The following LRP1B variants were observed in gnomAD, a reference collection of about 807,000 sequenced individuals.
LRP1B encodes low-density lipoprotein receptor-related protein 1B.
Under a neutral mutation model 556.6 loss-of-function variants are expected in LRP1B, and 217 were observed. The observed-to-expected ratio is 0.39, with a 90% CI of 0.35 to 0.44. The LOEUF is 0.44. Among genes scored for constraint, LRP1B ranks in the 20% least tolerant of loss-of-function variants. The pLI, the probability that LRP1B is intolerant of heterozygous loss-of-function variation, is 1.00. For synonymous variants in LRP1B, 2,047 were observed against 1,865.8 expected (o/e 1.10, Z -2.50); for missense variants, 5,053 against 5,620.8 (o/e 0.90, Z 3.23).
chr2:141,544,305 T>TTCGTCGTCG (rs1255112557), intron 2 of LRP1B, among the ~76,000 whole-genome samples: 1 of 6,536 alleles, frequency 1.5e-4, no homozygotes, highest in African/African-American at 7.5e-4. Flanking sequence ...ACTCTTCTTC[T>TTCGTCGTCG]TCTTCTTCTT....
chr2:142,084,650 C>T (rs552682375), intron 1 of LRP1B, among the ~76,000 whole-genome samples: 3 of 152,258 alleles, frequency 2.0e-5, no homozygotes, highest in South Asian at 4.1e-4. Context: ...TCCCCAAACC[C>T]TCTTATCCAA....
At chr2:141,615,790 T>C (rs1403366674) in intron 2 of LRP1B, among the ~76,000 whole-genome samples, 2 of 152,088 alleles carry the variant, frequency 1.3e-5, no homozygotes, top group African/African-American at 4.8e-5. Context: ...ACATATGAAA[T>C]TGGTTCTCAA....
chr2:140,763,262 G>A (rs1169978622), intron 35 of LRP1B, among the ~76,000 whole-genome samples: 2 of 151,944 alleles, frequency 1.3e-5, no homozygotes, highest in African/African-American at 4.8e-5. Flanking sequence ...TTAGAAAATA[G>A]GTTTCTCAGC....
At chr2:141,783,037 T>C (rs892549929) in intron 2 of LRP1B, among the ~76,000 whole-genome samples, 3 of 152,268 alleles carry the variant, frequency 2.0e-5, no homozygotes. Flanking sequence ...GCTTAGTTCA[T>C]GTCTTCATCC....
intron 27 of LRP1B, among the ~76,000 whole-genome samples, chr2:140,856,673 C>T (rs1350915530): frequency 2.0e-5 from 3 of 151,596 alleles, no homozygotes; most frequent in Non-Finnish European, 4.4e-5. Context: ...TGAATTTAGC[C>T]TGAGGGTTGT....
chr2:140,334,552 ACAT>A lies in LRP1B; in HGVS notation c.12121_12123del (p.Met4041del). The A allele has an allele frequency of 6.3e-7, 1 of 1,579,714 alleles. No homozygotes were observed. The highest frequency in any genetic ancestry group is 8.6e-7 in the Non-Finnish European group (1 of 1,162,916). ...GAATGATCCCCAACAACAGTCCAGT[ACAT>A]CATCCTGAAGAGAGCGGGTCAGAGA... is the stretch of plus-strand genomic sequence containing the variant. On this transcript the variant is annotated inframe_deletion, in exon 79 of 91. Coordinates refer to ENST00000389484, the MANE Select transcript of LRP1B (RefSeq NM_018557.3).
At chr2:141,092,098 G>T (rs1358639768) in intron 7 of LRP1B, among the ~76,000 whole-genome samples, 1 of 152,158 alleles carries the variant, frequency 6.6e-6, no homozygotes, top group Non-Finnish European at 1.5e-5. Context: ...GCTAACTCTT[G>T]TTTATATCAA....
At chr2:140,813,623 C>T in intron 32 of LRP1B, 34 bp downstream of exon 32, 1 of 1,605,808 alleles carries the variant, frequency 6.2e-7, no homozygotes, top group Non-Finnish European at 8.5e-7. Flanking sequence ...CCAATCAATA[C>T]AAAGCAACCA....
Position 140,514,632 on chromosome 2 carries a change from G to T in LRP1B, c.8269+21C>A, listed in dbSNP as rs572191482. 5 of 1,599,476 alleles carry T rather than the reference G, an allele frequency of 3.1e-6. No homozygotes were observed. The African/African-American group carries it at 5.4e-5, about 17-fold the overall frequency. On this transcript the variant is annotated intron_variant, in intron 51 of 90. Transcript: ENST00000389484. Reference sequence around the variant, plus strand: ...ATATAATGCTTAAAAACTGATTGAGGACAGAAGATACACAACTTACCACAA... The same window carrying T: ...ATATAATGCTTAAAAACTGATTGAGTACAGAAGATACACAACTTACCACAA...
At chr2:141,209,226 T>C (rs1282325906) in intron 6 of LRP1B, among the ~76,000 whole-genome samples, 1 of 152,140 alleles carries the variant, frequency 6.6e-6, no homozygotes, top group African/African-American at 2.4e-5. Context: ...GGGAGGGACC[T>C]GGTGGGAGGT....
intron 2 of LRP1B, among the ~76,000 whole-genome samples, chr2:141,774,650 A>G (rs930550444): frequency 6.6e-6 from 1 of 152,232 alleles, no homozygotes; most frequent in Non-Finnish European, 1.5e-5. Flanking sequence ...ACTGGAAAGT[A>G]CTCAACTGTT....
intron 1 of LRP1B, among the ~76,000 whole-genome samples, chr2:141,958,574 G>A (rs1435341671): frequency 1.3e-5 from 2 of 151,990 alleles, no homozygotes; most frequent in African/African-American, 4.8e-5. Context: ...CTGTGCTTCA[G>A]CCAGTGTCTT....
At chr2:141,648,741 G>A (rs1202699272) in intron 2 of LRP1B, among the ~76,000 whole-genome samples, 3 of 152,198 alleles carry the variant, frequency 2.0e-5, no homozygotes, top group African/African-American at 4.8e-5. Flanking sequence ...GTGAAAGACA[G>A]AGATTAATCT....
At chr2:140,498,447 C>G (rs1308318828) in intron 55 of LRP1B, among the ~76,000 whole-genome samples, 1 of 151,560 alleles carries the variant, frequency 6.6e-6, no homozygotes, top group African/African-American at 2.4e-5. Context: ...AAGATTTTTG[C>G]TTCAGTTAAA....
intron 7 of LRP1B, among the ~76,000 whole-genome samples, chr2:141,064,350 G>A (rs1049256134): frequency 6.6e-6 from 1 of 151,894 alleles, no homozygotes; most frequent in African/African-American, 2.4e-5. Context: ...TAAACCAGGT[G>A]ATGATGAAGG....
At chr2:141,089,954 T>A (rs1227297056) in intron 7 of LRP1B, among the ~76,000 whole-genome samples, 1 of 152,238 alleles carries the variant, frequency 6.6e-6, no homozygotes, top group East Asian at 1.9e-4. Context: ...AAAAGGGTTA[T>A]ATTCTTCTAA....
intron 89 of LRP1B, among the ~76,000 whole-genome samples, chr2:140,236,216 A>T (rs930143349): frequency 6.6e-6 from 1 of 150,978 alleles, no homozygotes; most frequent in Non-Finnish European, 1.5e-5. Flanking sequence ...AAGCCTAATC[A>T]TGGGTTCAGA....
At chr2:140,381,364 G>A (rs547159262) in intron 67 of LRP1B, among the ~76,000 whole-genome samples, 11 of 152,130 alleles carry the variant, frequency 7.2e-5, no homozygotes, top group African/African-American at 2.2e-4. Context: ...ATTCTCCCCC[G>A]TATTTCCAAA....
Position 140,643,055 on chromosome 2 carries a change from G to T in LRP1B, c.6800-41416C>A, listed in dbSNP as rs192301210. ...TTATATGATGTAATATGAACACAGA[G>T]TTTTATTTACCTCAATTTCAAAGAA... is the stretch of plus-strand genomic sequence containing the variant. On this transcript the variant is annotated intron_variant, in intron 41 of 90. Coordinates refer to ENST00000389484, the MANE Select transcript of LRP1B (RefSeq NM_018557.3). 8.6e-3 allele frequency among the ~76,000 whole-genome samples: 1,297 copies of T among 151,646 alleles called. 17 individuals carry two copies. Among genetic ancestry groups the T allele is most frequent in the African/African-American group, 0.029 (1,203 of 41,248 alleles).
Sources: allele counts gnomAD v4.1 joint callset (sites outside exome capture counted in the v4.1 genomes callset), GRCh38; gene constraint gnomAD v4.1.1; transcripts MANE v1.5; gene names NCBI Gene and HGNC (gene_info 2026-07-23, HGNC 2026-07-21).